The following COG5 variants were observed in gnomAD, a reference collection of about 807,000 sequenced individuals.
COG5 encodes the protein component of oligomeric golgi complex 5.
In COG5, 86 loss-of-function variants were observed where a neutral mutation model predicts 110.4. The ratio of observed to expected loss-of-function variants is 0.78; its 90% CI spans 0.65 to 0.93. The LOEUF (loss-of-function observed/expected upper bound fraction) is 0.93. COG5 is among the 40% of genes least tolerant of loss of function. COG5 has a pLI of 0.00. For synonymous variants in COG5, 360 were observed against 334.6 expected, an observed-to-expected ratio of 1.08 and a Z score of -0.83; for missense variants, 1,077 against 987.0, an observed-to-expected ratio of 1.09 and a Z score of -1.22.
chr7:107,416,041 A>AC (rs1563021792), intron 6 of COG5, among the ~76,000 whole-genome samples: 1 of 141,618 alleles, frequency 7.1e-6, no homozygotes, highest in African/African-American at 2.7e-5. Flanking sequence ...TGTATATATA[A>AC]ATAGCAACAT....
intron 6 of COG5, among the ~76,000 whole-genome samples, chr7:107,432,890 T>C (rs1408252689): frequency 6.6e-6 from 1 of 152,052 alleles, no homozygotes; most frequent in Non-Finnish European, 1.5e-5. Flanking sequence ...GAAGTAAAAT[T>C]ATCTCTGTTC....
At chr7:107,294,968 T>TATATATATACACACAC (rs1806532275) in intron 12 of COG5, among the ~76,000 whole-genome samples, 1 of 132,090 alleles carries the variant, frequency 7.6e-6, no homozygotes, top group African/African-American at 2.8e-5. Flanking sequence ...TATACACACA[T>TATATATATACACACAC]ATATATATAC....
intron 7 of COG5, among the ~76,000 whole-genome samples, chr7:107,393,627 C>T (rs946648837): frequency 6.6e-6 from 1 of 152,208 alleles, no homozygotes; most frequent in African/African-American, 2.4e-5. Flanking sequence ...TCTGTACTCC[C>T]TCCAACAGGT....
intron 19 of COG5, among the ~76,000 whole-genome samples, chr7:107,222,579 A>G (rs1246138753): frequency 1.3e-5 from 2 of 152,214 alleles, no homozygotes; most frequent in Non-Finnish European, 2.9e-5. Context: ...ATTGTGCATC[A>G]CTGTCATAAT....
intron 15 of COG5, 152 bp downstream of exon 15, chr7:107,258,121 G>GTT (rs1166364040): frequency 8.1e-6 from 5 of 621,110 alleles, no homozygotes; most frequent in Non-Finnish European, 1.4e-5. Context: ...GTCAAAGACT[G>GTT]TTTAAAAGAG....
intron 7 of COG5, among the ~76,000 whole-genome samples, chr7:107,382,183 G>T (rs1366896962): frequency 5.3e-5 from 8 of 152,130 alleles, no homozygotes; most frequent in African/African-American, 1.7e-4. Context: ...GGTCAGTAAA[G>T]AATGTCCCTT....
intron 5 of COG5, among the ~76,000 whole-genome samples, chr7:107,537,290 G>T (rs143234263): frequency 6.6e-6 from 1 of 152,086 alleles, no homozygotes; most frequent in Non-Finnish European, 1.5e-5. Flanking sequence ...ACACACACAC[G>T]TATGTTTACT....
chr7:107,449,451 T>C (rs1035310412), intron 6 of COG5, among the ~76,000 whole-genome samples: 2 of 152,242 alleles, frequency 1.3e-5, no homozygotes, highest in African/African-American at 2.4e-5. Context: ...GTGTTACAAT[T>C]ATCCCCTTAA....
At chr7:107,511,315 G>A (rs958061580) in intron 6 of COG5, among the ~76,000 whole-genome samples, 6 of 152,090 alleles carry the variant, frequency 3.9e-5, no homozygotes, top group Non-Finnish European at 8.8e-5. Context: ...TAAATTCCTC[G>A]ACACATACAC....
At chr7:107,476,473 A>G (rs191227144) in intron 6 of COG5, among the ~76,000 whole-genome samples, 3 of 151,738 alleles carry the variant, frequency 2.0e-5, no homozygotes, top group Admixed American at 6.6e-5. Flanking sequence ...TAAGGTAACA[A>G]TAAGTCTTGT....
At chr7:107,560,716 A>G (rs1322713488) in intron 1 of COG5, among the ~76,000 whole-genome samples, 1 of 152,282 alleles carries the variant, frequency 6.6e-6, no homozygotes, top group Admixed American at 6.5e-5. Context: ...ACCTTGTACT[A>G]TTTGTTCATA....
chr7:107,281,972 A>G (rs1310178016), intron 13 of COG5, among the ~76,000 whole-genome samples: 1 of 151,690 alleles, frequency 6.6e-6, no homozygotes, highest in African/African-American at 2.4e-5. Context: ...CTTCAACTTT[A>G]ACATTGGATT....
chr7:107,242,379 G>C (rs775195151), intron 17 of COG5, among the ~76,000 whole-genome samples: 1 of 152,186 alleles, frequency 6.6e-6, no homozygotes, highest in Admixed American at 6.5e-5. Flanking sequence ...CTAGGGACTG[G>C]AATGGGCCCC....
intron 6 of COG5, among the ~76,000 whole-genome samples, chr7:107,435,562 A>G (rs1249289610): frequency 2.6e-5 from 4 of 152,134 alleles, no homozygotes; most frequent in African/African-American, 9.7e-5. Flanking sequence ...CTGAGGCACG[A>G]GAATTGCTTG....
At chr7:107,359,639 A>G (rs886290321) in intron 10 of COG5, among the ~76,000 whole-genome samples, 1 of 152,094 alleles carries the variant, frequency 6.6e-6, no homozygotes, top group African/African-American at 2.4e-5. Context: ...TGGACAAATC[A>G]GCACACCCTT....
rs537798506 is a variant in COG5, at chr7:107,211,031, G to A, written c.2295+68C>T. 2.5e-4 allele frequency: 384 copies of A among 1,562,416 alleles called. 8 individuals carry two copies. In the South Asian group the frequency reaches 4.2e-3, roughly 17 times the overall value. ...AGGGCCAGGAATCATTCAGTGAGTA[G>A]GGGCTCAGGATTCACACAGGTAATG... On this transcript the variant is annotated intron_variant, in intron 20 of 21. Coordinates refer to ENST00000297135, the MANE Select transcript of COG5 (RefSeq NM_006348.5).
At chr7:107,281,848 T>G (rs1158788930) in intron 13 of COG5, among the ~76,000 whole-genome samples, 2 of 152,164 alleles carry the variant, frequency 1.3e-5, no homozygotes, top group Non-Finnish European at 2.9e-5. Flanking sequence ...CTGTAGAAAT[T>G]ATGCCAATTC....
intron 18 of COG5, among the ~76,000 whole-genome samples, chr7:107,232,862 A>G (rs889019251): frequency 6.6e-6 from 1 of 152,170 alleles, no homozygotes; most frequent in Non-Finnish European, 1.5e-5. Context: ...GGAGAGAATG[A>G]GCGGTCAGCT....
At position 107,512,976 on chromosome 7, in the gene COG5, T is replaced by G. The variant is rs867411038; in HGVS notation, c.538+14261A>C. The stretch of plus-strand genomic sequence containing the variant: ...AAAACCTAGGCAATACCATTCAGGA[T>G]ATAGGCATGGGCAAGGACTTCATGT... On this transcript the variant is annotated intron_variant, in intron 6 of 21. Transcript: ENST00000297135. Among the ~76,000 whole-genome samples, 4 of 151,506 alleles carry G rather than the reference T, an allele frequency of 2.6e-5. No individual in the cohort carries two copies. In the South Asian group the frequency reaches 6.2e-4, roughly 24 times the overall value.
Sources: allele counts gnomAD v4.1 joint callset (sites outside exome capture counted in the v4.1 genomes callset), GRCh38; gene constraint gnomAD v4.1.1; transcripts MANE v1.5; gene names NCBI Gene and HGNC (gene_info 2026-07-23, HGNC 2026-07-21).